NRDE2: variants seen among roughly 807,000 people sequenced by gnomAD.
NRDE2 encodes the protein nuclear exosome regulator NRDE2.
NRDE2 carries 76 observed loss-of-function variants against 124.2 expected under a neutral mutation model. The observed-to-expected ratio is 0.61, with a 90% confidence interval of 0.51 to 0.74. The LOEUF is 0.74. Among genes scored for constraint, NRDE2 ranks in the 30% least tolerant of loss-of-function variants. The pLI is 0.00. For synonymous variants in NRDE2, 489 were observed against 528.1 expected, an observed-to-expected ratio of 0.93 and a Z score of 1.01; for missense variants, 1,314 against 1,417.3, an observed-to-expected ratio of 0.93 and a Z score of 1.17.
Position 90,268,062 on chromosome 14 carries a change from A to G in NRDE2, c.*10274T>C. 1.7e-6 allele frequency: 1 copy of G among 583,632 alleles called. No individual in the cohort carries two copies. The allele number at this position is 583,632 out of a possible 1,614,324, so 36.2% of individuals were successfully genotyped here. On this transcript the variant is annotated 3_prime_UTR_variant, in exon 14 of 14. Coordinates refer to ENST00000354366, the MANE Select transcript of NRDE2 (RefSeq NM_017970.4). ...GATTTTTCTAAATGTCCTCTTATCT[A>G]CTTAGGAGAATGGAATGTCGTGACA...
chr14:90,311,539 T>C (rs1287399047), intron 4 of NRDE2, among the ~76,000 whole-genome samples: 3 of 152,160 alleles, frequency 2.0e-5, no homozygotes, highest in African/African-American at 7.2e-5. Context: ...AGACGTGCCT[T>C]TGCTCCTTCT....
At chr14:90,294,415 G>A (rs1403024512) in intron 8 of NRDE2, among the ~76,000 whole-genome samples, 1 of 152,096 alleles carries the variant, frequency 6.6e-6, no homozygotes, top group African/African-American at 2.4e-5. Flanking sequence ...CATGTTCATA[G>A]CAGCATTATT....
chr14:90,307,194 AC>A (rs1884637016), intron 4 of NRDE2, among the ~76,000 whole-genome samples: 1 of 152,186 alleles, frequency 6.6e-6, no homozygotes, highest in Non-Finnish European at 1.5e-5. Context: ...CTGCCTTCCT[AC>A]TTTAAAGCAT....
At position 90,319,739 on chromosome 14, in the gene NRDE2, CT is replaced by C. The variant is rs753735366; in HGVS notation, c.65-1627del. Among the ~76,000 whole-genome samples, 43 of 152,130 alleles carry C rather than the reference CT, an allele frequency of 2.8e-4. 1 individual carries two copies. The highest frequency in any genetic ancestry group is 7.3e-5 in the Non-Finnish European group (5 of 68,030). On this transcript the variant is annotated intron_variant, in intron 1 of 13. Transcript: ENST00000354366. ...TTACCTGTCCATTAGTTGATGAACACTTGGGTTATTTCTTCTTTTTAGCTAA... is the reference window on the plus strand; with the variant it reads ...TTACCTGTCCATTAGTTGATGAACACTGGGTTATTTCTTCTTTTTAGCTAA...
At chr14:90,313,760 C>T (rs72699175) in intron 3 of NRDE2, among the ~76,000 whole-genome samples, 5,009 of 152,206 alleles carry the variant, frequency 0.033, 148 homozygotes, top group Non-Finnish European at 0.046. Context: ...TGCCCAGGTA[C>T]AAATAAAGAT....
At position 90,318,100 on chromosome 14, in the gene NRDE2, C is replaced by T. The variant is rs1437782885; in HGVS notation, c.78G>A (p.Leu26=). 6.2e-7 allele frequency: 1 copy of T among 1,613,402 alleles called. No homozygotes were observed. Among genetic ancestry groups the T allele is most frequent in the African/African-American group, 1.3e-5 (1 of 74,898 alleles). The change falls in exon 2 of 14, where the codon CTG becomes CTA. Residue 26 remains leucine, a synonymous_variant. Transcript: ENST00000354366. ...ATCCAACACAAAAGCTTGGGTTGCTCAGCCAGTCTAACTCTGCACAGGCAA... is the reference window on the plus strand; with the variant it reads ...ATCCAACACAAAAGCTTGGGTTGCTTAGCCAGTCTAACTCTGCACAGGCAA... ...GGSSRKELDW[L]SNPSFCVGSI... is the part of the protein sequence containing the mutation.
Position 90,304,122 on chromosome 14 carries a change from C to A in NRDE2, c.818G>T (p.Gly273Val). 1 of 1,614,152 alleles carries A rather than the reference C, an allele frequency of 6.2e-7. No individual in the cohort carries two copies. Among genetic ancestry groups the A allele is most frequent in the South Asian group, 1.1e-5 (1 of 91,080 alleles). The change falls in exon 5 of 14, where the codon GGG becomes GTG. Residue 273 changes from glycine to valine, a missense_variant. Physicochemically the swap from Gly to Val is moderately radical, Grantham distance 109. Coordinates refer to ENST00000354366, the MANE Select transcript of NRDE2 (RefSeq NM_017970.4). Reference protein sequence around the residue: ...APVTTWLNPLGIYDQSTTHWL... With the variant: ...APVTTWLNPLVIYDQSTTHWL... ...ATGTGTGGTTGACTGATCATAAATC[C>A]CCAGAGGATTCAACCAGGTTGTAAC...
chr14:90,304,236 T>C lies in NRDE2; in HGVS notation c.704A>G (p.Asp235Gly), dbSNP rs758018852. 1.1e-5 allele frequency: 17 copies of C among 1,613,992 alleles called. No homozygotes were observed. Among genetic ancestry groups the C allele is most frequent in the South Asian group, 2.2e-5 (2 of 91,076 alleles). ...AGTTTTACTGCTAATGGCAACTCCA[T>C]CGATGTTCATTAATCCCACACTCTT... Reference protein sequence around the residue: ...TKKSVGLMNIDGVAISSKTEP... With the variant: ...TKKSVGLMNIGGVAISSKTEP... The change falls in exon 5 of 14, where the codon GAT (aspartate) becomes GGT (glycine). Residue 235 changes from aspartate to glycine, a missense_variant. By Grantham distance (94) the Asp-to-Gly change is moderately conservative (BLOSUM62 -1). Coordinates refer to ENST00000354366, the MANE Select transcript of NRDE2 (RefSeq NM_017970.4).
At chr14:90,292,655 G>C (rs753066956) in intron 9 of NRDE2, 42 bp downstream of exon 9, 1 of 1,582,310 alleles carries the variant, frequency 6.3e-7, no homozygotes, top group Non-Finnish European at 8.6e-7. Context: ...AGCAGGCAGG[G>C]ACCCCCTGGA....
At chr14:90,301,802 G>T (rs761457465) in intron 6 of NRDE2, 1 of 456,068 alleles carries the variant, frequency 2.2e-6, no homozygotes, top group South Asian at 1.5e-5. Context: ...GTTCAGAGTC[G>T]GCTGTAAACA....
chr14:90,290,272 G>T lies in NRDE2; in HGVS notation c.2178C>A (p.Gly726=). The T allele has an allele frequency of 6.2e-7, 1 of 1,614,008 alleles. No homozygotes were observed. The highest frequency in any genetic ancestry group is 8.5e-7 in the Non-Finnish European group (1 of 1,180,016). ...AGAAGCAGAGCTGGGACTTCTCTTTGCCTGAAAATAAAGGCATGACAAGGT... is the reference window on the plus strand; with the variant it reads ...AGAAGCAGAGCTGGGACTTCTCTTTTCCTGAAAATAAAGGCATGACAAGGT... The part of the protein sequence containing the change: ...VFHLVMPLFS[G]KEKSQLCFSW... The change falls in exon 10 of 14, where the codon GGC becomes GGA. Residue 726 remains glycine, a synonymous_variant. Transcript: ENST00000354366.
chr14:90,328,823 C>A lies in NRDE2; in HGVS notation c.64+3018G>T, dbSNP rs974930687. ...AAATGACACGGTTTCCTCAACAGAT[C>A]GATCACATGGAATGAAGGAGAGGAA... On this transcript the variant is annotated intron_variant, in intron 1 of 13. Transcript: ENST00000354366. 2.7e-4 allele frequency among the ~76,000 whole-genome samples: 41 copies of A among 152,130 alleles called. 3 individuals carry two copies. Among genetic ancestry groups the A allele is most frequent in the Non-Finnish European group, 8.8e-5 (6 of 68,036 alleles).
chr14:90,297,361 TAAAATACACTATC>T (rs1884211419), intron 8 of NRDE2, among the ~76,000 whole-genome samples: 1 of 152,150 alleles, frequency 6.6e-6, no homozygotes, highest in Admixed American at 6.5e-5. Flanking sequence ...CTAGATTAAG[TAAAATACACTATC>T]AAAATTAACA....
At position 90,289,052 on chromosome 14, in the gene NRDE2, C is replaced by A; in HGVS notation, c.2323G>T (p.Glu775Ter). The change falls in exon 11 of 14, where the codon GAA becomes TAA. Residue 775 changes from glutamate (E) to a stop codon, truncating the protein, a stop_gained. Transcript: ENST00000354366. LOFTEE classifies it high-confidence loss of function. ...CACAGGCAAAAGTTGTTGCAGTTTT[C>A]TGGCTCCTTAAGGAGATTCTTGGCT... is the stretch of plus-strand genomic sequence containing the variant. ...KLAKNLLKEPENCNNFCLWKQ... is the reference protein window; with the variant it reads ...KLAKNLLKEP 6.2e-7 allele frequency: 1 copy of A among 1,614,186 alleles called. No homozygotes were observed. Among genetic ancestry groups the A allele is most frequent in the Non-Finnish European group, 8.5e-7 (1 of 1,180,014 alleles).
intron 3 of NRDE2, among the ~76,000 whole-genome samples, chr14:90,315,008 C>T (rs868048019): frequency 6.6e-6 from 1 of 151,586 alleles, no homozygotes; most frequent in African/African-American, 2.4e-5. Flanking sequence ...AAAACCCCGT[C>T]TCTACTAAAA....
chr14:90,330,499 C>T (rs1391176246), intron 1 of NRDE2, among the ~76,000 whole-genome samples: 2 of 152,132 alleles, frequency 1.3e-5, no homozygotes, highest in African/African-American at 2.4e-5. Flanking sequence ...AACAATTTTA[C>T]ACAAGAAATT....
At position 90,268,065 on chromosome 14, in the gene NRDE2, T is replaced by G; in HGVS notation, c.*10271A>C. 1.7e-6 allele frequency: 1 copy of G among 586,168 alleles called. No homozygotes were observed. Among genetic ancestry groups the G allele is most frequent in the Non-Finnish European group, 3.0e-6 (1 of 338,200 alleles). The allele number at this position is 586,168 out of a possible 1,614,324, so 36.3% of individuals were successfully genotyped here. A position where few individuals can be genotyped will look rare whatever the true frequency, so the allele number is the denominator to read the frequency against. Reference sequence around the variant, plus strand: ...TTTTCTAAATGTCCTCTTATCTACTTAGGAGAATGGAATGTCGTGACACTT... The same window carrying G: ...TTTTCTAAATGTCCTCTTATCTACTGAGGAGAATGGAATGTCGTGACACTT... On this transcript the variant is annotated 3_prime_UTR_variant, in exon 14 of 14. Transcript: ENST00000354366.
chr14:90,272,673 C>A lies in NRDE2; in HGVS notation c.*5663G>T. The A allele has an allele frequency of 3.3e-6, 1 of 298,554 alleles. No individual in the cohort carries two copies. Among genetic ancestry groups the A allele is most frequent in the Non-Finnish European group, 6.6e-6 (1 of 152,606 alleles). 18.5% of individuals were successfully genotyped at this position (298,554 alleles called of 1,614,324 possible). On this transcript the variant is annotated 3_prime_UTR_variant, in exon 14 of 14. Transcript: ENST00000354366. This position sits in a 1 kb window ranked among gnomAD's most constrained non-coding sequence, Gnocchi z 4.5. ...CACACACCTACCGCTCAACAGCAGCCTGTGGGTGGACCCAGCTACAGGGAA... is the reference window on the plus strand; with the variant it reads ...CACACACCTACCGCTCAACAGCAGCATGTGGGTGGACCCAGCTACAGGGAA...
intron 9 of NRDE2, among the ~76,000 whole-genome samples, chr14:90,292,334 T>A (rs1044520099): frequency 2.6e-5 from 4 of 152,152 alleles, no homozygotes; most frequent in African/African-American, 9.7e-5. Flanking sequence ...GGACAGTGAT[T>A]CCGAGTTTTT....
Sources: allele counts gnomAD v4.1 joint callset (sites outside exome capture counted in the v4.1 genomes callset), GRCh38; gene constraint gnomAD v4.1.1; non-coding constraint Gnocchi (gnomAD v3.1); transcripts MANE v1.5; gene names NCBI Gene and HGNC (gene_info 2026-07-23, HGNC 2026-07-21).